DENND6A: variants seen among roughly 807,000 people sequenced by gnomAD.
DENND6A encodes the protein DENN domain containing 6A.
A neutral mutation model predicts 95.5 loss-of-function variants in DENND6A; 43 were observed. The ratio of observed to expected loss-of-function variants is 0.45; its 90% CI spans 0.35 to 0.58. DENND6A has a LOEUF of 0.58. DENND6A is among the 20% of genes least tolerant of loss of function. The probability of loss-of-function intolerance (pLI) is 0.00; values close to 1 mark genes in which losing one functional copy is unlikely to be tolerated. For missense variants in DENND6A, 574 were observed against 736.0 expected (o/e 0.78, Z 2.55); for synonymous variants, 257 against 260.4 (o/e 0.99, Z 0.13).
intron 14 of DENND6A, among the ~76,000 whole-genome samples, chr3:57,634,230 C>T (rs1036472699): frequency 7.3e-5 from 11 of 151,636 alleles, no homozygotes; most frequent in African/African-American, 2.4e-4. Context: ...GCCAGGAGTT[C>T]GAGACCAGCC....
intron 9 of DENND6A, among the ~76,000 whole-genome samples, chr3:57,656,442 G>A (rs1247349410): frequency 3.3e-5 from 5 of 151,838 alleles, no homozygotes; most frequent in South Asian, 2.1e-4. Flanking sequence ...TGGATACTTC[G>A]GTTGTGTATA....
intron 1 of DENND6A, among the ~76,000 whole-genome samples, chr3:57,690,667 AAGTT>A (rs2077255330): frequency 6.7e-6 from 1 of 150,264 alleles, no homozygotes; most frequent in Non-Finnish European, 1.5e-5. Context: ...CTGGCTGACA[AAGTT>A]AGACTCTGTC....
chr3:57,656,249 G>A (rs1223664937), intron 9 of DENND6A, among the ~76,000 whole-genome samples: 1 of 152,006 alleles, frequency 6.6e-6, no homozygotes, highest in East Asian at 1.9e-4. Flanking sequence ...ATCTTTTCCA[G>A]AACATCATAT....
intron 18 of DENND6A, 95 bp downstream of exon 18, chr3:57,630,326 A>T: frequency 8.9e-7 from 1 of 1,125,988 alleles, no homozygotes. Context: ...ACTATTTATA[A>T]AGAGTGGATA....
intron 1 of DENND6A, among the ~76,000 whole-genome samples, chr3:57,691,340 T>C (rs2077262390): frequency 6.6e-6 from 1 of 152,234 alleles, no homozygotes; most frequent in Non-Finnish European, 1.5e-5. Context: ...TCACCTATTC[T>C]ATCAAAAGTA....
intron 1 of DENND6A, among the ~76,000 whole-genome samples, chr3:57,687,145 C>A (rs184180848): frequency 2.4e-3 from 359 of 152,272 alleles, no homozygotes; most frequent in Middle Eastern, 0.014. Context: ...AGGCCTGAGA[C>A]ACCACACCCA....
In DENND6A at chr3:57,636,646, T is replaced by G. The variant is rs138579668; in HGVS notation, c.1133-1877A>C. Among the ~76,000 whole-genome samples the G allele has an allele frequency of 1.8e-4, 27 of 152,090 alleles. No homozygotes were observed. The East Asian group carries it at 3.3e-3, about 19-fold the overall frequency. ...CAGTTAAGCCAACTTGTAAGAGAGA[T>G]AAAAAGTTGGCCGGGCGTGGTGGCT... is the stretch of plus-strand genomic sequence containing the variant. On this transcript the variant is annotated intron_variant, in intron 12 of 19. Coordinates refer to ENST00000311128, the MANE Select transcript of DENND6A (RefSeq NM_152678.3).
At chr3:57,634,893 T>C (rs2070759414) in intron 12 of DENND6A, 124 bp from the exon 13 acceptor site, 2 of 738,822 alleles carry the variant, frequency 2.7e-6, no homozygotes, top group Non-Finnish European at 4.0e-6. Flanking sequence ...ATTCTTAACA[T>C]CTATTAATAT....
intron 1 of DENND6A, among the ~76,000 whole-genome samples, chr3:57,691,498 C>A (rs1237516181): frequency 1.3e-5 from 2 of 152,012 alleles, no homozygotes; most frequent in Non-Finnish European, 2.9e-5. Context: ...TAACATAATG[C>A]CTGGTTCTTA....
intron 9 of DENND6A, among the ~76,000 whole-genome samples, chr3:57,647,474 T>C (rs1368652034): frequency 1.3e-5 from 2 of 152,100 alleles, no homozygotes; most frequent in South Asian, 2.1e-4. Flanking sequence ...TACATGCAGA[T>C]AGTGGCCTAC....
intron 1 of DENND6A, among the ~76,000 whole-genome samples, chr3:57,679,247 C>T (rs193103725): frequency 1.3e-4 from 20 of 152,336 alleles, no homozygotes; most frequent in Admixed American, 7.2e-4. Context: ...ACCATATGCA[C>T]ACATCCTATT....
chr3:57,663,813 C>A, intron 4 of DENND6A, 97 bp from the exon 5 acceptor site: 1 of 661,228 alleles, frequency 1.5e-6, no homozygotes, highest in South Asian at 3.7e-5. Flanking sequence ...TAACATCAGG[C>A]TCCTTTATAA....
intron 9 of DENND6A, among the ~76,000 whole-genome samples, chr3:57,652,711 T>A (rs2071236162): frequency 6.6e-6 from 1 of 152,172 alleles, no homozygotes; most frequent in Non-Finnish European, 1.5e-5. Flanking sequence ...AAACTGAACA[T>A]CATCAATAAC....
Position 57,630,826 on chromosome 3 carries a change from T to C in DENND6A, c.1408-2A>G. 1 of 1,612,718 alleles carries C rather than the reference T, an allele frequency of 6.2e-7. No homozygotes were observed. Among genetic ancestry groups the C allele is most frequent in the Non-Finnish European group, 8.5e-7 (1 of 1,179,570 alleles). On this transcript the variant is annotated splice_acceptor_variant, in intron 16 of 19. Transcript: ENST00000311128. LOFTEE classifies it high-confidence loss of function. ...AAACTGTCTTAATTGAGGTGGACTCTAGAAAACAGGACATATAATATTTAG... is the reference window on the plus strand; with the variant it reads ...AAACTGTCTTAATTGAGGTGGACTCCAGAAAACAGGACATATAATATTTAG...
In DENND6A at chr3:57,663,607, CTTTT is replaced by C. The variant is rs750878923; in HGVS notation, c.513+25_513+28del. On this transcript the variant is annotated intron_variant, in intron 5 of 19. Coordinates refer to ENST00000311128, the MANE Select transcript of DENND6A (RefSeq NM_152678.3). The stretch of plus-strand genomic sequence containing the variant: ...TTTTCTAATCACAAAATAAAAAATA[CTTTT>C]TTTATTAGTGTGTATGACAATTACC... 5.5e-6 allele frequency: 8 copies of C among 1,447,114 alleles called. No homozygotes were observed. The Admixed American group carries it at 1.1e-4, about 20-fold the overall frequency. The allele number at this position is 1,447,114 out of a possible 1,614,324, so 89.6% of individuals were successfully genotyped here. A position where few individuals can be genotyped will look rare whatever the true frequency, so the allele number is the denominator to read the frequency against.
chr3:57,638,175 C>T (rs2070840689), intron 12 of DENND6A, among the ~76,000 whole-genome samples: 1 of 151,592 alleles, frequency 6.6e-6, no homozygotes, highest in South Asian at 2.1e-4. Flanking sequence ...CATCAAAGGA[C>T]ACCATCAAGA....
At chr3:57,642,289 G>A (rs1490418275) in intron 11 of DENND6A, among the ~76,000 whole-genome samples, 1 of 147,700 alleles carries the variant, frequency 6.8e-6, no homozygotes, top group Non-Finnish European at 1.5e-5. Context: ...ACTCCAGCCT[G>A]GGCAGCAGAG....
At chr3:57,685,879 G>A (rs544967647) in intron 1 of DENND6A, among the ~76,000 whole-genome samples, 4 of 152,022 alleles carry the variant, frequency 2.6e-5, no homozygotes, top group African/African-American at 4.8e-5. Context: ...CCCCTGAAAC[G>A]GTCTCAGAGA....
At chr3:57,630,294 T>C (rs2070637455) in intron 18 of DENND6A, 127 bp downstream of exon 18, 1 of 758,504 alleles carries the variant, frequency 1.3e-6, no homozygotes, top group African/African-American at 1.8e-5. Context: ...TAGCACATGA[T>C]CTAGAAAAGT....
Sources: gnomAD v4.1 joint callset for allele counts (sites outside exome capture counted in the v4.1 genomes callset) on GRCh38, gnomAD v4.1.1 for gene constraint, MANE v1.5 for transcripts, NCBI Gene and HGNC (gene_info 2026-07-23, HGNC 2026-07-21) for gene names.